FAT4: variants seen among roughly 807,000 people sequenced by gnomAD.
FAT4 encodes protocadherin Fat 4.
Under a neutral mutation model 303.9 loss-of-function variants are expected in FAT4, and 84 were observed. The ratio of observed to expected loss-of-function variants is 0.28; its 90% CI spans 0.23 to 0.33. The LOEUF is 0.33. FAT4 is among the 10% of genes least tolerant of loss of function. The pLI is 1.00. For missense variants in FAT4, 6,005 were observed against 6,146.8 expected, an observed-to-expected ratio of 0.98 and a Z score of 0.77; for synonymous variants, 2,307 against 2,298.8, an observed-to-expected ratio of 1.00 and a Z score of -0.10.
chr4:125,343,526 T>C (rs2125970625), intron 2 of FAT4, among the ~76,000 whole-genome samples: 1 of 152,306 alleles, frequency 6.6e-6, no homozygotes, highest in Non-Finnish European at 1.5e-5. Context: ...AAATTTCATC[T>C]CTTAATATAG....
At chr4:125,347,019 A>G (rs1732028772) in intron 2 of FAT4, among the ~76,000 whole-genome samples, 2 of 151,940 alleles carry the variant, frequency 1.3e-5, no homozygotes, top group Non-Finnish European at 2.9e-5. Flanking sequence ...GACTCTAGGA[A>G]TGGGAGCATT....
intron 2 of FAT4, among the ~76,000 whole-genome samples, chr4:125,338,843 C>T (rs1234198725): frequency 6.6e-6 from 1 of 152,100 alleles, no homozygotes; most frequent in South Asian, 2.1e-4. Context: ...ATTATACCCA[C>T]CTTTATTCTT....
At chr4:125,395,182 A>C in intron 2 of FAT4, among the ~76,000 whole-genome samples, 1 of 152,188 alleles carries the variant, frequency 6.6e-6, no homozygotes, top group South Asian at 2.1e-4. Context: ...CTACTGAGAT[A>C]ACTTTGCCAA....
At chr4:125,483,744 A>G (rs139717419) in intron 16 of FAT4, among the ~76,000 whole-genome samples, 11 of 152,280 alleles carry the variant, frequency 7.2e-5, no homozygotes, top group Non-Finnish European at 1.6e-4. Context: ...CTTGGCAGGT[A>G]AAGAGAATAG....
At chr4:125,345,906 C>A (rs1429065376) in intron 2 of FAT4, among the ~76,000 whole-genome samples, 1 of 152,024 alleles carries the variant, frequency 6.6e-6, no homozygotes, top group African/African-American at 2.4e-5. Context: ...TGTATGAGAT[C>A]AATCTTTTGG....
chr4:125,321,490 A>T lies in FAT4; in HGVS notation c.5079A>T (p.Ala1693=), dbSNP rs374190598. The part of the protein sequence containing the change: ...IGRHTGIIQT[A]AILDREQGAC... ...GACATACTGGTATAATTCAGACCGCAGCCATTCTGGACCGGGAGCAAGGAG... is the reference window on the plus strand; with the variant it reads ...GACATACTGGTATAATTCAGACCGCTGCCATTCTGGACCGGGAGCAAGGAG... Residue 1693 remains alanine (A), a synonymous_variant, in exon 2 of 18, where the codon GCA becomes GCT. Transcript: ENST00000394329. The T allele has an allele frequency of 6.2e-7, 1 of 1,614,004 alleles. No individual in the cohort carries two copies. The highest frequency in any genetic ancestry group is 8.5e-7 in the Non-Finnish European group (1 of 1,179,988).
intron 2 of FAT4, among the ~76,000 whole-genome samples, chr4:125,390,380 T>A (rs904028310): frequency 6.6e-6 from 1 of 152,042 alleles, no homozygotes; most frequent in African/African-American, 2.4e-5. Context: ...GCAGGAAAGG[T>A]GGAGTTTTCC....
intron 2 of FAT4, among the ~76,000 whole-genome samples, chr4:125,368,536 ATAT>A (rs1732976463): frequency 6.8e-6 from 1 of 147,100 alleles, no homozygotes; most frequent in African/African-American, 2.5e-5. Flanking sequence ...ATATATATAT[ATAT>A]AAAAATCATA....
intron 2 of FAT4, among the ~76,000 whole-genome samples, chr4:125,389,587 T>C (rs528138183): frequency 6.6e-6 from 1 of 152,202 alleles, no homozygotes; most frequent in Admixed American, 6.5e-5. Context: ...ATGCAGGTGG[T>C]AGTGGTCCTA....
At position 125,391,497 on chromosome 4, in the gene FAT4, AAC is replaced by A. The variant is rs1182757351; in HGVS notation, c.5176-7280_5176-7279del. ...AACACGTGGACACAGAGAAGGGAACAACACACACCAAGGCTTGTTGGGGGCAG... is the reference window on the plus strand; with the variant it reads ...AACACGTGGACACAGAGAAGGGAACAACACACCAAGGCTTGTTGGGGGCAG... On this transcript the variant is annotated intron_variant, in intron 2 of 17. Coordinates refer to ENST00000394329, the MANE Select transcript of FAT4 (RefSeq NM_001291303.3). Among the ~76,000 whole-genome samples the A allele has an allele frequency of 2.0e-5, 3 of 152,144 alleles. No homozygotes were observed. In the East Asian group the frequency reaches 5.8e-4, roughly 29 times the overall value.
At chr4:125,488,632 A>C (rs1727494120) in intron 17 of FAT4, among the ~76,000 whole-genome samples, 1 of 152,202 alleles carries the variant, frequency 6.6e-6, no homozygotes, top group African/African-American at 2.4e-5. Context: ...CAAGAGAGGA[A>C]ACTGCAGAAC....
rs1055990626 is a variant in FAT4 at position 125,415,759 on chromosome 4, G to C, written c.6796G>C (p.Val2266Leu). The change falls in exon 6 of 18, where the codon GTA (valine) becomes CTA (leucine). Residue 2266 changes from valine (V) to leucine (L), a missense_variant. Coordinates refer to ENST00000394329, the MANE Select transcript of FAT4 (RefSeq NM_001291303.3). ...VPVFELSPYS[V>L]NVPENLGTLP... ...TGTATTTGAGCTATCTCCATATTCT[G>C]TAAATGTCCCTGAGAATTTAGGGAC... The C allele has an allele frequency of 2.5e-6, 4 of 1,613,644 alleles. No individual in the cohort carries two copies. The African/African-American group carries it at 5.3e-5, about 22-fold the overall frequency.
Position 125,398,756 on chromosome 4 carries a change from T to C in FAT4, c.5176-28T>C, listed in dbSNP as rs768454313. 3.1e-6 allele frequency: 5 copies of C among 1,611,228 alleles called. No homozygotes were observed. In the South Asian group the frequency reaches 5.5e-5, roughly 18 times the overall value. The stretch of plus-strand genomic sequence containing the variant: ...TATCTTGCAGACACGTGGGAGTCAT[T>C]CACACATTGTTTCCTTTTTCTTTGT... On this transcript the variant is annotated intron_variant, in intron 2 of 17. Coordinates refer to ENST00000394329, the MANE Select transcript of FAT4 (RefSeq NM_001291303.3).
intron 10 of FAT4, among the ~76,000 whole-genome samples, chr4:125,461,111 G>T (rs1159922307): frequency 6.6e-6 from 1 of 151,908 alleles, no homozygotes; most frequent in Non-Finnish European, 1.5e-5. Flanking sequence ...AAATGAATAA[G>T]TCTTATTTGT....
At position 125,491,292 on chromosome 4, in the gene FAT4, T is replaced by G; in HGVS notation, c.14476T>G (p.Ser4826Ala). The G allele has an allele frequency of 1.2e-6, 2 of 1,614,124 alleles. No individual in the cohort carries two copies. The highest frequency in any genetic ancestry group is 2.7e-5 in the African/African-American group (2 of 75,048). ...AGAGGAGGACTGCAGAAGGCCACTG[T>G]CTAGAACAAGGAATCCAGCGGATGG... is the stretch of plus-strand genomic sequence containing the variant. ...SSEEDCRRPL[S>A]RTRNPADGIP... Residue 4826 changes from serine (S) to alanine (A), a missense_variant, in exon 18 of 18, where the codon TCT (serine) becomes GCT (alanine). Coordinates refer to ENST00000394329, the MANE Select transcript of FAT4 (RefSeq NM_001291303.3).
chr4:125,415,426 G>T lies in FAT4; in HGVS notation c.6463G>T (p.Ala2155Ser). Residue 2155 changes from alanine to serine, a missense_variant, in exon 6 of 18, where the codon GCA becomes TCA. Ala to Ser is a moderately conservative substitution (Grantham distance 99). Coordinates refer to ENST00000394329, the MANE Select transcript of FAT4 (RefSeq NM_001291303.3). ...CATCAATGATAACAACCCCATCTTT[G>T]CACAAGCTTTGTATAAAGTGGAGAT... ...LDINDNNPIF[A>S]QALYKVEINE... is the part of the protein sequence containing the mutation. The T allele has an allele frequency of 6.2e-7, 1 of 1,614,060 alleles. No individual in the cohort carries two copies. Among genetic ancestry groups the T allele is most frequent in the Non-Finnish European group, 8.5e-7 (1 of 1,179,990 alleles).
chr4:125,407,162 G>C, intron 4 of FAT4, 21 bp downstream of exon 4: 1 of 1,586,078 alleles, frequency 6.3e-7, no homozygotes, highest in Non-Finnish European at 8.6e-7. Context: ...GGTCTCTTAT[G>C]TGTATTTTGC....
intron 2 of FAT4, among the ~76,000 whole-genome samples, chr4:125,390,045 T>C (rs1733918742): frequency 1.3e-5 from 2 of 151,852 alleles, no homozygotes; most frequent in East Asian, 1.9e-4. Flanking sequence ...TCACCCAAAA[T>C]AGGGAAAAAA....
chr4:125,440,441 A>G (rs929015181), intron 8 of FAT4, among the ~76,000 whole-genome samples: 1 of 151,656 alleles, frequency 6.6e-6, no homozygotes, highest in Admixed American at 6.6e-5. Context: ...TCTTTTTGGC[A>G]TTTTTTCCTG....
Sources: allele counts gnomAD v4.1 joint callset (sites outside exome capture counted in the v4.1 genomes callset), GRCh38; gene constraint gnomAD v4.1.1; transcripts MANE v1.5; gene names NCBI Gene and HGNC (gene_info 2026-07-23, HGNC 2026-07-21).